USP32: variants seen among roughly 807,000 people sequenced by gnomAD.
The protein encoded by USP32 is ubiquitin specific peptidase 32, also known as ubiquitin carboxyl-terminal hydrolase 32.
A neutral mutation model predicts 204.8 loss-of-function variants in USP32; 59 were observed. That is an observed-to-expected ratio of 0.29 (90% CI 0.23 to 0.36). The LOEUF is 0.36. USP32 is among the 10% of genes least tolerant of loss of function. The pLI is 1.00. For synonymous variants in USP32, 517 were observed against 678.4 expected (o/e 0.76, Z 3.70); for missense variants, 1,160 against 1,946.4 (o/e 0.60, Z 7.60).
intron 12 of USP32, among the ~76,000 whole-genome samples, chr17:60,226,967 C>G (rs560249664): frequency 1.3e-5 from 2 of 149,856 alleles, no homozygotes; most frequent in East Asian, 3.9e-4. Context: ...TCACTTGAAC[C>G]CGGGAGGTTG....
intron 1 of USP32, among the ~76,000 whole-genome samples, chr17:60,401,667 G>C (rs978517340): frequency 6.6e-6 from 1 of 151,378 alleles, no homozygotes; most frequent in Admixed American, 6.6e-5. Context: ...GATCACTTGA[G>C]GTCAGGAGTT....
chr17:60,390,853 G>A (rs2146142076), intron 1 of USP32, among the ~76,000 whole-genome samples: 1 of 151,980 alleles, frequency 6.6e-6, no homozygotes, highest in African/African-American at 2.4e-5. Context: ...TTCTTACCAA[G>A]AATATCCATT....
chr17:60,204,190 A>G (rs1345629027), intron 26 of USP32, among the ~76,000 whole-genome samples: 4 of 152,214 alleles, frequency 2.6e-5, no homozygotes, highest in Non-Finnish European at 1.5e-5. Context: ...AAAAAACAAA[A>G]CAAAACAAAA....
rs543643052 is a variant in USP32 at position 60,268,008 on chromosome 17, G to A, written c.811+1442C>T. 3.3e-5 allele frequency among the ~76,000 whole-genome samples: 5 copies of A among 149,798 alleles called. No individual in the cohort carries two copies. The South Asian group carries it at 1.1e-3, about 32-fold the overall frequency. On this transcript the variant is annotated intron_variant, in intron 7 of 33. Transcript: ENST00000300896. ...GTATTTTTAGCCGAGACTATGTTTC[G>A]CCATGTTGGCCAGGCTGATCTTGAA...
At chr17:60,315,623 G>A (rs914905069) in intron 2 of USP32, among the ~76,000 whole-genome samples, 6 of 152,044 alleles carry the variant, frequency 3.9e-5, no homozygotes, top group Non-Finnish European at 5.9e-5. Flanking sequence ...ATACTTGTAT[G>A]CCAATATTCA....
At chr17:60,357,568 C>A (rs2089111171) in intron 1 of USP32, among the ~76,000 whole-genome samples, 1 of 152,120 alleles carries the variant, frequency 6.6e-6, no homozygotes. Flanking sequence ...TCAGTACATT[C>A]ATAGTCATAC....
At chr17:60,361,062 G>T (rs1017522903) in intron 1 of USP32, among the ~76,000 whole-genome samples, 1 of 152,094 alleles carries the variant, frequency 6.6e-6, no homozygotes, top group Non-Finnish European at 1.5e-5. Context: ...CTGAGAGGCG[G>T]AGATTGAAGT....
intron 1 of USP32, among the ~76,000 whole-genome samples, chr17:60,399,441 G>A (rs1393652199): frequency 6.6e-6 from 1 of 152,034 alleles, no homozygotes; most frequent in Non-Finnish European, 1.5e-5. Flanking sequence ...GATTGCTTGA[G>A]TCCAGGAGTT....
At chr17:60,411,191 G>A (rs2143079670) in intron 1 of USP32, among the ~76,000 whole-genome samples, 1 of 152,144 alleles carries the variant, frequency 6.6e-6, no homozygotes, top group East Asian at 1.9e-4. Flanking sequence ...AGCAGAGCAT[G>A]GTGCATGCCT....
intron 11 of USP32, among the ~76,000 whole-genome samples, chr17:60,240,887 A>G (rs79632058): frequency 0.046 from 6,967 of 152,302 alleles, 226 homozygotes; most frequent in Non-Finnish European, 0.074. Context: ...ACTTCTGACG[A>G]ATAACCCTGC....
intron 1 of USP32, among the ~76,000 whole-genome samples, chr17:60,351,233 A>C (rs912153708): frequency 6.6e-6 from 1 of 152,070 alleles, no homozygotes; most frequent in Non-Finnish European, 1.5e-5. Flanking sequence ...ATCAGGCACC[A>C]ATCTACCACC....
intron 5 of USP32, among the ~76,000 whole-genome samples, chr17:60,288,113 CAAAAAAAAAA>C (rs1045323566): frequency 1.0e-4 from 3 of 29,460 alleles, no homozygotes; most frequent in Admixed American, 8.6e-4. Flanking sequence ...GACTTCGTCT[CAAAAAAAAAA>C]AAAAAAAAAA....
Position 60,252,392 on chromosome 17 carries a change from T to C in USP32, c.1125A>G (p.Gly375=), listed in dbSNP as rs1423620176. ...GLRPATPEEE[G]QIIRGWLERE... ...AACTACAAATTTACCTAATAATTTG[T>C]CCTTCTTCTTCCGGAGTAGCTGGTC... The change falls in exon 11 of 34, where the codon GGA becomes GGG. Residue 375 remains glycine (G), a synonymous_variant. Coordinates refer to ENST00000300896, the MANE Select transcript of USP32 (RefSeq NM_032582.4). 1 of 1,609,294 alleles carries C rather than the reference T, an allele frequency of 6.2e-7. No homozygotes were observed. Among genetic ancestry groups the C allele is most frequent in the South Asian group, 1.1e-5 (1 of 90,006 alleles).
chr17:60,285,533 A>T (rs1244874563), intron 5 of USP32, among the ~76,000 whole-genome samples: 3 of 152,206 alleles, frequency 2.0e-5, no homozygotes, highest in Non-Finnish European at 4.4e-5. Context: ...TTGGCCCAAG[A>T]TTGGAAAGAT....
intron 7 of USP32, among the ~76,000 whole-genome samples, chr17:60,267,606 C>T (rs907165756): frequency 6.6e-6 from 1 of 151,960 alleles, no homozygotes; most frequent in African/African-American, 2.4e-5. Context: ...CTGCAACCTC[C>T]GCCTCCTGGG....
chr17:60,274,442 A>T (rs1461594716), intron 5 of USP32, among the ~76,000 whole-genome samples: 1 of 152,214 alleles, frequency 6.6e-6, no homozygotes, highest in Non-Finnish European at 1.5e-5. Context: ...CAGAAGTTCA[A>T]TGAACCTTGT....
chr17:60,283,473 G>A (rs933489303), intron 5 of USP32, among the ~76,000 whole-genome samples: 14 of 152,088 alleles, frequency 9.2e-5, no homozygotes, highest in Non-Finnish European at 1.9e-4. Flanking sequence ...GTATCATTGA[G>A]AGGAAGTAAA....
chr17:60,413,079 T>C (rs895483508), intron 1 of USP32, among the ~76,000 whole-genome samples: 2 of 152,130 alleles, frequency 1.3e-5, no homozygotes, highest in African/African-American at 2.4e-5. Flanking sequence ...CAGGGGTCTA[T>C]TAAATGGAAA....
chr17:60,295,310 C>T (rs1184594732), intron 3 of USP32, among the ~76,000 whole-genome samples: 5 of 150,738 alleles, frequency 3.3e-5, no homozygotes, highest in African/African-American at 7.3e-5. Flanking sequence ...TGAAATACTA[C>T]ATAGAAGTTA....
Sources: gnomAD v4.1 joint callset for allele counts (sites outside exome capture counted in the v4.1 genomes callset) on GRCh38, gnomAD v4.1.1 for gene constraint, MANE v1.5 for transcripts, NCBI Gene and HGNC (gene_info 2026-07-23, HGNC 2026-07-21) for gene names.